Variants in CSNK1D observed in about 807,000 individuals in gnomAD.
CSNK1D encodes the protein casein kinase 1 delta.
In CSNK1D, 16 loss-of-function variants were observed where a neutral mutation model predicts 46.6. The observed-to-expected ratio is 0.34, with a 90% CI of 0.23 to 0.52. The LOEUF is 0.52. Ranked by LOEUF, CSNK1D falls within the 20% of genes least tolerant of loss-of-function variation. CSNK1D has a pLI of 0.95. For synonymous variants in CSNK1D, 276 were observed against 228.2 expected, an observed-to-expected ratio of 1.21 and a Z score of -1.89; for missense variants, 398 against 578.4, an observed-to-expected ratio of 0.69 and a Z score of 3.20.
chr17:82,267,941 C>T (rs1485233528), intron 1 of CSNK1D, among the ~76,000 whole-genome samples: 4 of 152,262 alleles, frequency 2.6e-5, no homozygotes. Context: ...GTCTGCCAGT[C>T]ACACCTGCAG....
chr17:82,248,334 G>C lies in CSNK1D; in HGVS notation c.1197+541C>G. ...AGAGGCGGTGGCCGTGGCTAGGCCT[G>C]GGCTGCGCAACAGGGTACTTCTCGT... On this transcript the variant is annotated intron_variant, in intron 8 of 8. Coordinates refer to ENST00000314028, the MANE Select transcript of CSNK1D (RefSeq NM_001893.6). The surrounding 1 kb of genome is among the most constrained non-coding windows in gnomAD (Gnocchi z 4.1). 1.0e-6 allele frequency: 1 copy of C among 995,472 alleles called. No homozygotes were observed. The highest frequency in any genetic ancestry group is 1.2e-6 in the Non-Finnish European group (1 of 835,378). The allele number at this position is 995,472 out of a possible 1,614,324, so 61.7% of individuals were successfully genotyped here. A position where few individuals can be genotyped will look rare whatever the true frequency, so the allele number is the denominator to read the frequency against.
Position 82,249,351 on chromosome 17 carries a change from A to C in CSNK1D, c.1057+80T>G. ...GGGCACTTAGTGTCCACCACCAAGT[A>C]CCCTGTTGTCCCCACCAACCCCAAG... is the stretch of plus-strand genomic sequence containing the variant. On this transcript the variant is annotated intron_variant, in intron 7 of 8. Coordinates refer to ENST00000314028, the MANE Select transcript of CSNK1D (RefSeq NM_001893.6). The surrounding 1 kb of genome is among the most constrained non-coding windows in gnomAD (Gnocchi z 6.7). The C allele has an allele frequency of 7.3e-7, 1 of 1,361,482 alleles. No individual in the cohort carries two copies. The highest frequency in any genetic ancestry group is 1.0e-6 in the Non-Finnish European group (1 of 988,900). The allele number at this position is 1,361,482 out of a possible 1,614,324, so 84.3% of individuals were successfully genotyped here.
Position 82,251,358 on chromosome 17 carries a change from C to G in CSNK1D, c.885+21G>C. 1 of 1,613,926 alleles carries G rather than the reference C, an allele frequency of 6.2e-7. No individual in the cohort carries two copies. The highest frequency in any genetic ancestry group is 8.5e-7 in the Non-Finnish European group (1 of 1,179,876). On this transcript the variant is annotated intron_variant, in intron 6 of 8. Coordinates refer to ENST00000314028, the MANE Select transcript of CSNK1D (RefSeq NM_001893.6). The surrounding 1 kb of genome is among the most constrained non-coding windows in gnomAD (Gnocchi z 4.5). The stretch of plus-strand genomic sequence containing the variant: ...TCCCCCGCACACCACACTCAGCGAA[C>G]GTGCTGGCAGTGCGACTTACAAATT...
chr17:82,256,632 T>TG (rs1452601104), intron 2 of CSNK1D, among the ~76,000 whole-genome samples: 3 of 152,108 alleles, frequency 2.0e-5, no homozygotes, highest in African/African-American at 7.2e-5. Context: ...GGAAAACACA[T>TG]GCTGGTAAAA....
chr17:82,250,183 T>C lies in CSNK1D; in HGVS notation c.886-581A>G, dbSNP rs796633264. On this transcript the variant is annotated intron_variant, in intron 6 of 8. Transcript: ENST00000314028. This position sits in a 1 kb window ranked among gnomAD's most constrained non-coding sequence, Gnocchi z 4.6. ...GATTTTAAGCCGAGACAGCAACCTA[T>C]GAAAAAGCAGATTCTAACTGCCAAT... is the stretch of plus-strand genomic sequence containing the variant. 37 of 1,289,770 alleles carry C rather than the reference T, an allele frequency of 2.9e-5. No homozygotes were observed. The highest frequency in any genetic ancestry group is 2.4e-4 in the African/African-American group (16 of 65,948). The allele number at this position is 1,289,770 out of a possible 1,614,324, so 79.9% of individuals were successfully genotyped here.
In CSNK1D at chr17:82,244,678, A is replaced by T. The variant is rs951816569; in HGVS notation, c.*103T>A. On this transcript the variant is annotated 3_prime_UTR_variant, in exon 9 of 9. Transcript: ENST00000314028. The stretch of plus-strand genomic sequence containing the variant: ...AGTGGCCTGGAGAGCTCCCGGTGTT[A>T]ACATTTCGATCCTAGACCGGGGGAC... 127 of 1,592,682 alleles carry T rather than the reference A, an allele frequency of 8.0e-5. No homozygotes were observed. Among genetic ancestry groups the T allele is most frequent in the Non-Finnish European group, 1.1e-4 (125 of 1,173,310 alleles).
rs763923299 is a variant in CSNK1D, at chr17:82,248,829, C to T, written c.1197+46G>A. ...AACCACAGCCCGCTCTTGACTCGGA[C>T]GGGGTAGCCCGAGGCCCAGCGCCCG... On this transcript the variant is annotated intron_variant, in intron 8 of 8. Coordinates refer to ENST00000314028, the MANE Select transcript of CSNK1D (RefSeq NM_001893.6). The surrounding 1 kb of genome is among the most constrained non-coding windows in gnomAD (Gnocchi z 4.1). 3.9e-5 allele frequency: 62 copies of T among 1,589,586 alleles called. No homozygotes were observed. The highest frequency in any genetic ancestry group is 5.0e-5 in the Non-Finnish European group (58 of 1,167,614).
chr17:82,239,083 C>T, downstream of CSNK1D: 1 of 1,117,898 alleles, frequency 8.9e-7, no homozygotes, highest in African/African-American at 1.6e-5. Flanking sequence ...GGCTGGGCTC[C>T]AGCTGCCGGC....
Position 82,249,813 on chromosome 17 carries a change from A to C in CSNK1D, c.886-211T>G. ...CAGAGCCAGGCCTCTCAGCTCCCCC[A>C]ACAATCGAAAAAACCCCACTCGCCA... On this transcript the variant is annotated intron_variant, in intron 6 of 8. Coordinates refer to ENST00000314028, the MANE Select transcript of CSNK1D (RefSeq NM_001893.6). This position sits in a 1 kb window ranked among gnomAD's most constrained non-coding sequence, Gnocchi z 6.7. 1.4e-6 allele frequency: 2 copies of C among 1,435,128 alleles called. No individual in the cohort carries two copies. Among genetic ancestry groups the C allele is most frequent in the Non-Finnish European group, 1.8e-6 (2 of 1,099,466 alleles). The allele number at this position is 1,435,128 out of a possible 1,614,324, so 88.9% of individuals were successfully genotyped here.
In CSNK1D at chr17:82,243,136, C is replaced by T. The variant is rs540808037; in HGVS notation, c.*1645G>A. ...GTACTCCAAAACGCTTACACAGTAA[C>T]CAGCCTAGGATTGAGAAAGCATCCA... On this transcript the variant is annotated 3_prime_UTR_variant, in exon 9 of 9. Transcript: ENST00000314028. 2.0e-6 allele frequency: 2 copies of T among 985,584 alleles called. No homozygotes were observed. The highest frequency in any genetic ancestry group is 2.3e-4 in the East Asian group (2 of 8,824). The allele number at this position is 985,584 out of a possible 1,614,324, so 61.1% of individuals were successfully genotyped here. A position where few individuals can be genotyped will look rare whatever the true frequency, so the allele number is the denominator to read the frequency against.
chr17:82,265,205 G>T (rs549703676), intron 2 of CSNK1D: 14 of 217,532 alleles, frequency 6.4e-5, no homozygotes, highest in African/African-American at 2.8e-4. Flanking sequence ...GGGGGACAGG[G>T]TCTCACTCTG....
At position 82,248,868 on chromosome 17, in the gene CSNK1D, C is replaced by A. The variant is rs1448967929; in HGVS notation, c.1197+7G>T. The A allele has an allele frequency of 1.9e-6, 3 of 1,608,388 alleles. No individual in the cohort carries two copies. Among genetic ancestry groups the A allele is most frequent in the Non-Finnish European group, 2.5e-6 (3 of 1,177,224 alleles). On this transcript the variant is annotated splice_region_variant and intron_variant, in intron 8 of 8. Transcript: ENST00000314028. The surrounding 1 kb of genome is among the most constrained non-coding windows in gnomAD (Gnocchi z 4.1). ...GCCCAGCGCCCGCCCGGGAGCTCTG[C>A]ACCTACCTGTGAGGTGGACATGCGA...
Position 82,252,150 on chromosome 17 carries a change from C to T in CSNK1D, c.736+284G>A, listed in dbSNP as rs2051029018. On this transcript the variant is annotated intron_variant, in intron 5 of 8. Transcript: ENST00000314028. The surrounding 1 kb of genome is among the most constrained non-coding windows in gnomAD (Gnocchi z 4.6). ...AGGCCCCACCACTGCCTGTCCATCC[C>T]TTTCCAGCCACTTGGGGCCCTGAGG... Among the ~76,000 whole-genome samples the T allele has an allele frequency of 6.6e-6, 1 of 152,248 alleles. No individual in the cohort carries two copies. Among genetic ancestry groups the T allele is most frequent in the Non-Finnish European group, 1.5e-5 (1 of 68,038 alleles).
Position 82,246,421 on chromosome 17 carries a change from C to T in CSNK1D, c.1198-1590G>A, listed in dbSNP as rs2050851598. 3 of 1,204,946 alleles carry T rather than the reference C, an allele frequency of 2.5e-6. No individual in the cohort carries two copies. The African/African-American group carries it at 4.7e-5, about 19-fold the overall frequency. 74.6% of individuals were successfully genotyped at this position (1,204,946 alleles called of 1,614,324 possible). A position where few individuals can be genotyped will look rare whatever the true frequency, so the allele number is the denominator to read the frequency against. On this transcript the variant is annotated intron_variant, in intron 8 of 8. Coordinates refer to ENST00000314028, the MANE Select transcript of CSNK1D (RefSeq NM_001893.6). ...CATCCTCGCCGGTACGACGACAGGG[C>T]TCAGGCCTAGTCCTGGGCAGGAGTT... is the stretch of plus-strand genomic sequence containing the variant.
chr17:82,251,817 C>T lies in CSNK1D; in HGVS notation c.737-290G>A. The T allele has an allele frequency of 2.5e-6, 1 of 396,798 alleles. No individual in the cohort carries two copies. The highest frequency in any genetic ancestry group is 2.3e-5 in the South Asian group (1 of 43,518). 24.6% of individuals were successfully genotyped at this position (396,798 alleles called of 1,614,324 possible). On this transcript the variant is annotated intron_variant, in intron 5 of 8. Transcript: ENST00000314028. The surrounding 1 kb of genome is among the most constrained non-coding windows in gnomAD (Gnocchi z 4.5). ...CATCCTGGCTAACACAGTGAAACCCCATCTCTACTGAAAAAAAAAAAAAAA... is the reference window on the plus strand; with the variant it reads ...CATCCTGGCTAACACAGTGAAACCCTATCTCTACTGAAAAAAAAAAAAAAA...
chr17:82,242,032 G>A (rs1400112712), downstream of CSNK1D, among the ~76,000 whole-genome samples: 3 of 151,748 alleles, frequency 2.0e-5, no homozygotes, highest in Non-Finnish European at 4.4e-5. Context: ...CCAAGGGAGT[G>A]GCCTGGAGTG....
At position 82,273,214 on chromosome 17, in the gene CSNK1D, G is replaced by A. The variant is rs1318427457; in HGVS notation, c.76+92C>T. ...GCCGGGACTTGCGCGGAGACCCCGC[G>A]GGGGCCACCACTTCCTTCCGCGATC... On this transcript the variant is annotated intron_variant, in intron 1 of 8. Coordinates refer to ENST00000314028, the MANE Select transcript of CSNK1D (RefSeq NM_001893.6). The surrounding 1 kb of genome is among the most constrained non-coding windows in gnomAD (Gnocchi z 5.1). 14 of 1,294,598 alleles carry A rather than the reference G, an allele frequency of 1.1e-5. No individual in the cohort carries two copies. The highest frequency in any genetic ancestry group is 1.2e-5 in the Non-Finnish European group (11 of 932,080). 80.2% of individuals were successfully genotyped at this position (1,294,598 alleles called of 1,614,324 possible).
downstream of CSNK1D, chr17:82,242,648 C>T (rs2050757295): frequency 1.0e-6 from 1 of 985,120 alleles, no homozygotes; most frequent in Non-Finnish European, 1.2e-6. Context: ...ATAAAGACCA[C>T]ATGGAAAGGG....
At chr17:82,271,114 C>T (rs938948618) in intron 1 of CSNK1D, among the ~76,000 whole-genome samples, 1 of 152,192 alleles carries the variant, frequency 6.6e-6, no homozygotes, top group African/African-American at 2.4e-5. Flanking sequence ...CTCACTCCAT[C>T]GCCCAGGCTG....
Sources: gnomAD v4.1 joint callset for allele counts (sites outside exome capture counted in the v4.1 genomes callset) on GRCh38, gnomAD v4.1.1 for gene constraint, Gnocchi (gnomAD v3.1) non-coding constraint, MANE v1.5 for transcripts, NCBI Gene and HGNC (gene_info 2026-07-23, HGNC 2026-07-21) for gene names.